Variants in EBF2 observed in about 807,000 individuals in gnomAD.
The protein encoded by EBF2 is EBF transcription factor 2.
EBF2 carries 21 observed loss-of-function variants against 72.8 expected under a neutral mutation model. The ratio of observed to expected loss-of-function variants is 0.29; its 90% CI spans 0.20 to 0.42. The LOEUF (loss-of-function observed/expected upper bound fraction) is 0.42. EBF2 is among the 10% of genes least tolerant of loss of function. The pLI is 1.00. For missense variants in EBF2, 637 were observed against 731.2 expected (o/e 0.87, Z 1.49); for synonymous variants, 299 against 274.2 (o/e 1.09, Z -0.89).
intron 10 of EBF2, among the ~76,000 whole-genome samples, chr8:25,874,281 G>T (rs1298167315): frequency 6.6e-6 from 1 of 152,148 alleles, no homozygotes; most frequent in African/African-American, 2.4e-5. Flanking sequence ...ACACAGCCTT[G>T]GGGAGGAGGC....
Position 25,844,230 on chromosome 8 carries a change from CTTTT to C in EBF2, c.*375_*378del, listed in dbSNP as rs202048411. The stretch of plus-strand genomic sequence containing the variant: ...CTTCATAGAAAATAGAAACTTTCAA[CTTTT>C]TTTTCCTACAAAGAAAAACAAATAG... On this transcript the variant is annotated 3_prime_UTR_variant, in exon 16 of 16. Transcript: ENST00000520164. The C allele has an allele frequency of 6.2e-6, 1 of 161,054 alleles. No homozygotes were observed. The highest frequency in any genetic ancestry group is 2.4e-5 in the African/African-American group (1 of 41,684). 10.0% of individuals were successfully genotyped at this position (161,054 alleles called of 1,614,324 possible).
At position 26,015,310 on chromosome 8, in the gene EBF2, T is replaced by C. The variant is rs115534100; in HGVS notation, c.551+17775A>G. 6.5e-3 allele frequency among the ~76,000 whole-genome samples: 997 copies of C among 152,304 alleles called. 11 individuals carry two copies. The highest frequency in any genetic ancestry group is 0.023 in the African/African-American group (947 of 41,566). ...ACATGCAGTGTGTCTTACGAGTTCA[T>C]AGACACACAAATAAGCCTGGATAGA... On this transcript the variant is annotated intron_variant, in intron 6 of 15. Coordinates refer to ENST00000520164, the MANE Select transcript of EBF2 (RefSeq NM_022659.4).
chr8:25,917,610 T>A (rs1441626027), intron 6 of EBF2, among the ~76,000 whole-genome samples: 1 of 152,152 alleles, frequency 6.6e-6, no homozygotes, highest in African/African-American at 2.4e-5. Flanking sequence ...AAAAAATCTT[T>A]CCGTGAGACT....
intron 10 of EBF2, among the ~76,000 whole-genome samples, chr8:25,880,823 T>G (rs895628680): frequency 2.6e-5 from 4 of 152,180 alleles, no homozygotes; most frequent in African/African-American, 2.4e-5. Context: ...ATATTAAATC[T>G]TCCCACCTCT....
At chr8:25,934,262 CA>C (rs1322022750) in intron 6 of EBF2, among the ~76,000 whole-genome samples, 2 of 144,332 alleles carry the variant, frequency 1.4e-5, no homozygotes, top group African/African-American at 5.0e-5. Context: ...CACACACACA[CA>C]CACACACACA....
Position 25,887,844 on chromosome 8 carries a change from C to A in EBF2, c.880G>T (p.Glu294Ter). Residue 294 changes from glutamate (E) to a stop codon, truncating the protein, a stop_gained and splice_region_variant, in exon 9 of 16, where the codon GAG becomes TAG. Coordinates refer to ENST00000520164, the MANE Select transcript of EBF2 (RefSeq NM_022659.4). LOFTEE classifies it high-confidence loss of function. ...GTAAGCCTGTTGCCTCTGCTTACCT[C>A]GCTCCATACAAGCATAGTCCCAAAC... Reference protein sequence around the residue: ...VVFGTMLVWSELITPHAIRVQ... With the variant: ...VVFGTMLVWS 2 of 1,600,312 alleles carry A rather than the reference C, an allele frequency of 1.2e-6. No homozygotes were observed. The highest frequency in any genetic ancestry group is 8.5e-7 in the Non-Finnish European group (1 of 1,174,242).
At chr8:25,859,307 G>A (rs996066284) in intron 13 of EBF2, among the ~76,000 whole-genome samples, 8 of 152,280 alleles carry the variant, frequency 5.3e-5, no homozygotes, top group Non-Finnish European at 8.8e-5. Context: ...ATCTTTTGGC[G>A]GGGCCTGGAG....
At chr8:26,033,047 GA>G in intron 6 of EBF2, 37 bp downstream of exon 6, 1 of 1,591,064 alleles carries the variant, frequency 6.3e-7, no homozygotes, top group Non-Finnish European at 8.6e-7. Flanking sequence ...TGAAGAAAAG[GA>G]ACCAAAAATG....
At chr8:25,970,356 C>G (rs142619140) in intron 6 of EBF2, among the ~76,000 whole-genome samples, 2 of 152,274 alleles carry the variant, frequency 1.3e-5, no homozygotes, top group African/African-American at 4.8e-5. Flanking sequence ...GTGTCGGTCT[C>G]GGAGCCTGGC....
At chr8:26,001,577 T>C (rs1804726374) in intron 6 of EBF2, among the ~76,000 whole-genome samples, 1 of 151,806 alleles carries the variant, frequency 6.6e-6, no homozygotes, top group Non-Finnish European at 1.5e-5. Flanking sequence ...TGAGATGGAG[T>C]TCTGCTCTTG....
At chr8:25,925,421 T>G (rs1803370169) in intron 6 of EBF2, among the ~76,000 whole-genome samples, 1 of 151,914 alleles carries the variant, frequency 6.6e-6, no homozygotes, top group South Asian at 2.1e-4. Context: ...AAGTGTATCA[T>G]GCAGACATAC....
intron 15 of EBF2, among the ~76,000 whole-genome samples, chr8:25,849,255 C>A (rs73550071): frequency 6.6e-6 from 1 of 152,210 alleles, no homozygotes; most frequent in East Asian, 1.9e-4. Flanking sequence ...TTGACAGTTT[C>A]TCTGTAGAGT....
chr8:25,865,877 T>C (rs1802303062), intron 10 of EBF2, among the ~76,000 whole-genome samples: 1 of 151,736 alleles, frequency 6.6e-6, no homozygotes, highest in African/African-American at 2.4e-5. Context: ...TACAAAAAAT[T>C]AGCCGGGCGT....
At chr8:26,013,245 CA>C (rs1361237330) in intron 6 of EBF2, among the ~76,000 whole-genome samples, 1 of 152,136 alleles carries the variant, frequency 6.6e-6, no homozygotes, top group Non-Finnish European at 1.5e-5. Context: ...TTATCACTTC[CA>C]TCACAGCCAG....
chr8:26,036,926 CAAAG>C (rs1207619361), intron 5 of EBF2, among the ~76,000 whole-genome samples: 1 of 151,544 alleles, frequency 6.6e-6, no homozygotes, highest in Admixed American at 6.6e-5. Flanking sequence ...ATAAATAAAA[CAAAG>C]AGAAGAGGAA....
chr8:26,033,403 T>C (rs1805441505), intron 5 of EBF2, among the ~76,000 whole-genome samples: 1 of 152,176 alleles, frequency 6.6e-6, no homozygotes, highest in African/African-American at 2.4e-5. Flanking sequence ...CTAATTTCTG[T>C]ATTTTTACTA....
intron 6 of EBF2, among the ~76,000 whole-genome samples, chr8:25,998,255 A>G (rs934727992): frequency 1.3e-5 from 2 of 152,202 alleles, no homozygotes; most frequent in African/African-American, 4.8e-5. Context: ...TTACAATGTC[A>G]GGCAGTGGGA....
At chr8:25,923,568 G>T (rs549622468) in intron 6 of EBF2, among the ~76,000 whole-genome samples, 2 of 152,096 alleles carry the variant, frequency 1.3e-5, no homozygotes, top group African/African-American at 4.8e-5. Context: ...TGATAAGCCT[G>T]CTTCAAGTTT....
chr8:25,870,070 G>A (rs1431482707), intron 10 of EBF2, among the ~76,000 whole-genome samples: 5 of 152,062 alleles, frequency 3.3e-5, no homozygotes, highest in African/African-American at 1.2e-4. Context: ...ATCCTCCTCA[G>A]CTTCAAGAGC....
Sources: gnomAD v4.1 joint callset for allele counts (sites outside exome capture counted in the v4.1 genomes callset) on GRCh38, gnomAD v4.1.1 for gene constraint, MANE v1.5 for transcripts, NCBI Gene and HGNC (gene_info 2026-07-23, HGNC 2026-07-21) for gene names.